Variants in RBMS3 observed in about 807,000 individuals in gnomAD.
RBMS3 encodes RNA binding motif single stranded interacting protein 3.
RBMS3 carries 27 observed loss-of-function variants against 66.8 expected under a neutral mutation model. That is an observed-to-expected ratio of 0.40 (90% CI 0.30 to 0.56). The LOEUF is 0.56. Ranked by LOEUF, RBMS3 falls within the 20% of genes least tolerant of loss-of-function variation. The pLI, the probability that RBMS3 is intolerant of heterozygous loss-of-function variation, is 0.40. For missense variants in RBMS3, 513 were observed against 549.5 expected (o/e 0.93, Z 0.66); for synonymous variants, 188 against 183.0 (o/e 1.03, Z -0.22).
intron 6 of RBMS3, among the ~76,000 whole-genome samples, chr3:29,803,832 C>G (rs1424288863): frequency 6.6e-6 from 1 of 151,926 alleles, no homozygotes; most frequent in Non-Finnish European, 1.5e-5. Flanking sequence ...GGTATATTCT[C>G]AAGAAACTGC....
chr3:29,316,108 G>A (rs1196067078), intron 1 of RBMS3, among the ~76,000 whole-genome samples: 1 of 151,578 alleles, frequency 6.6e-6, no homozygotes, highest in Non-Finnish European at 1.5e-5. Flanking sequence ...AATATTTCAG[G>A]AAAGAGGCCA....
At chr3:29,851,278 T>G (rs1315835270) in intron 6 of RBMS3, among the ~76,000 whole-genome samples, 1 of 152,202 alleles carries the variant, frequency 6.6e-6, no homozygotes, top group Non-Finnish European at 1.5e-5. Flanking sequence ...GCTCAATAGT[T>G]GTGAATGAAT....
chr3:29,686,386 T>A (rs1261435223), intron 4 of RBMS3, among the ~76,000 whole-genome samples: 1 of 152,190 alleles, frequency 6.6e-6, no homozygotes, highest in Non-Finnish European at 1.5e-5. Flanking sequence ...AGTTCTGATA[T>A]TTTAAACAAA....
At chr3:29,473,509 C>T (rs1282154017) in intron 2 of RBMS3, among the ~76,000 whole-genome samples, 2 of 152,228 alleles carry the variant, frequency 1.3e-5, no homozygotes, top group African/African-American at 4.8e-5. Context: ...CGCCTGCACT[C>T]CTCAGCCCTT....
rs79959353 is a variant in RBMS3, at chr3:29,791,503, G to A, written c.637+28514G>A. 2.0e-3 allele frequency among the ~76,000 whole-genome samples: 305 copies of A among 152,048 alleles called. 1 individual carries two copies. The highest frequency in any genetic ancestry group is 7.0e-3 in the African/African-American group (290 of 41,468). ...CAAATAGCTTCTCAATGTTTTTTTC[G>A]TCTATTTTTCTTTCCTTCTAGAAAA... On this transcript the variant is annotated intron_variant, in intron 6 of 14. Transcript: ENST00000383767.
chr3:29,388,862 C>T (rs544627940), intron 1 of RBMS3, among the ~76,000 whole-genome samples: 1 of 152,294 alleles, frequency 6.6e-6, no homozygotes, highest in South Asian at 2.1e-4. Context: ...CTGCGCCTGG[C>T]CCAAAATTTT....
chr3:29,705,820 A>T (rs1231141065), intron 4 of RBMS3, among the ~76,000 whole-genome samples: 1 of 152,218 alleles, frequency 6.6e-6, no homozygotes, highest in African/African-American at 2.4e-5. Context: ...TGGTATTCAG[A>T]TTAAAGAACT....
At chr3:29,347,930 TAA>T (rs1460935586) in intron 1 of RBMS3, among the ~76,000 whole-genome samples, 2 of 152,178 alleles carry the variant, frequency 1.3e-5, no homozygotes, top group East Asian at 3.9e-4. Context: ...ATATACTCAA[TAA>T]AGTTGGCTAT....
intron 1 of RBMS3, among the ~76,000 whole-genome samples, chr3:29,308,751 A>T (rs2034178098): frequency 3.0e-5 from 1 of 33,556 alleles, no homozygotes; most frequent in Admixed American, 2.2e-4. Context: ...AAAAACAAAA[A>T]AAAACAAAAA....
intron 5 of RBMS3, among the ~76,000 whole-genome samples, chr3:29,752,735 A>G (rs999942292): frequency 2.6e-5 from 4 of 152,194 alleles, no homozygotes; most frequent in Admixed American, 1.3e-4. Context: ...CTCAAGCCCT[A>G]AACAATTATT....
intron 1 of RBMS3, among the ~76,000 whole-genome samples, chr3:29,391,903 T>C (rs2039313869): frequency 6.6e-6 from 1 of 152,184 alleles, no homozygotes. Context: ...TTGTATGAGA[T>C]TGATTTTTAA....
intron 1 of RBMS3, among the ~76,000 whole-genome samples, chr3:29,377,016 G>A (rs907236182): frequency 2.6e-5 from 4 of 152,104 alleles, no homozygotes; most frequent in African/African-American, 9.7e-5. Flanking sequence ...TTGAGTCTGG[G>A]AGGCGGAGGT....
intron 1 of RBMS3, among the ~76,000 whole-genome samples, chr3:29,361,358 G>A (rs1370223068): frequency 6.6e-6 from 1 of 150,780 alleles, no homozygotes; most frequent in Non-Finnish European, 1.5e-5. Flanking sequence ...TTTTATTTAA[G>A]AATGTTGAAT....
intron 6 of RBMS3, among the ~76,000 whole-genome samples, chr3:29,793,266 CA>C (rs1485338474): frequency 6.7e-6 from 1 of 148,318 alleles, no homozygotes; most frequent in Non-Finnish European, 1.5e-5. Context: ...AAAAGAAAAG[CA>C]GAAAGAGAAA....
chr3:29,406,901 G>T (rs1424648194), intron 1 of RBMS3, among the ~76,000 whole-genome samples: 1 of 152,076 alleles, frequency 6.6e-6, no homozygotes, highest in Non-Finnish European at 1.5e-5. Flanking sequence ...CAAATTTGTT[G>T]TCTGCATCAC....
chr3:29,439,354 C>A (rs531284761), intron 2 of RBMS3, among the ~76,000 whole-genome samples: 86 of 152,114 alleles, frequency 5.7e-4, no homozygotes, highest in African/African-American at 1.9e-3. Context: ...GATCAAGGAA[C>A]AATTAGAGTA....
At chr3:29,916,065 T>C (rs1457617926) in intron 10 of RBMS3, among the ~76,000 whole-genome samples, 1 of 152,042 alleles carries the variant, frequency 6.6e-6, no homozygotes, top group African/African-American at 2.4e-5. Flanking sequence ...TTACACATGG[T>C]CAGGCATATG....
chr3:29,588,137 A>T (rs1406965222), intron 4 of RBMS3, among the ~76,000 whole-genome samples: 1 of 152,232 alleles, frequency 6.6e-6, no homozygotes, highest in East Asian at 1.9e-4. Flanking sequence ...CTAGCTAAAA[A>T]GTCAAAACAA....
intron 4 of RBMS3, among the ~76,000 whole-genome samples, chr3:29,624,971 G>A (rs556018772): frequency 6.8e-4 from 104 of 152,134 alleles, no homozygotes; most frequent in Non-Finnish European, 1.3e-3. Flanking sequence ...CCCAGTGGGA[G>A]GTGATTGGAA....
Sources: allele counts gnomAD v4.1 joint callset (sites outside exome capture counted in the v4.1 genomes callset), GRCh38; gene constraint gnomAD v4.1.1; transcripts MANE v1.5; gene names NCBI Gene and HGNC (gene_info 2026-07-23, HGNC 2026-07-21).